The following DLGAP1 variants were observed in gnomAD, a reference collection of about 807,000 sequenced individuals.
The protein encoded by DLGAP1 is disks large-associated protein 1.
DLGAP1 carries 11 observed loss-of-function variants against 90.8 expected under a neutral mutation model. The observed-to-expected ratio is 0.12, with a 90% CI of 0.08 to 0.20. DLGAP1 has a LOEUF of 0.20. Among genes scored for constraint, DLGAP1 ranks in the 10% least tolerant of loss-of-function variants. The probability of loss-of-function intolerance (pLI) is 1.00; values close to 1 mark genes in which losing one functional copy is unlikely to be tolerated. For synonymous variants in DLGAP1, 558 were observed against 540.7 expected (o/e 1.03, Z -0.44); for missense variants, 1,050 against 1,333.8 (o/e 0.79, Z 3.31).
At chr18:3,576,581 T>A (rs1453425140) in intron 8 of DLGAP1, among the ~76,000 whole-genome samples, 82 of 150,192 alleles carry the variant, frequency 5.5e-4, no homozygotes, top group African/African-American at 1.7e-3. Flanking sequence ...TTTTTTTTTT[T>A]GAGATGGAGC....
At chr18:4,276,660 A>C (rs2145400770) in intron 1 of DLGAP1, among the ~76,000 whole-genome samples, 1 of 152,196 alleles carries the variant, frequency 6.6e-6, no homozygotes, top group South Asian at 2.1e-4. Context: ...AAACAAATAT[A>C]TTTTCTCATA....
intron 7 of DLGAP1, among the ~76,000 whole-genome samples, chr18:3,610,412 TTCTC>T (rs1311087841): frequency 2.0e-5 from 3 of 152,306 alleles, no homozygotes; most frequent in Middle Eastern, 3.4e-3. Context: ...CTACCTTCTG[TTCTC>T]TCTGAGGACT....
chr18:3,547,223 C>A (rs1477942618), intron 9 of DLGAP1, among the ~76,000 whole-genome samples: 3 of 150,514 alleles, frequency 2.0e-5, no homozygotes, highest in Non-Finnish European at 3.0e-5. Flanking sequence ...ATGGCTTGAA[C>A]CCCCGGGGGC....
chr18:3,701,515 C>T (rs1164790206), intron 7 of DLGAP1, among the ~76,000 whole-genome samples: 1 of 152,222 alleles, frequency 6.6e-6, no homozygotes, highest in Non-Finnish European at 1.5e-5. Flanking sequence ...TCGACCCATG[C>T]TTATGTGATA....
At chr18:4,136,775 A>G (rs1326048088) in intron 2 of DLGAP1, among the ~76,000 whole-genome samples, 1 of 151,914 alleles carries the variant, frequency 6.6e-6, no homozygotes, top group Non-Finnish European at 1.5e-5. Flanking sequence ...TGCTTTGGTT[A>G]CCTGTATTTG....
intron 1 of DLGAP1, among the ~76,000 whole-genome samples, chr18:4,283,052 A>G (rs1414176146): frequency 6.6e-6 from 1 of 152,218 alleles, no homozygotes; most frequent in East Asian, 1.9e-4. Flanking sequence ...GGGACAGGCT[A>G]TAAGAAGTAG....
chr18:3,959,107 C>T (rs1379469893), intron 3 of DLGAP1, among the ~76,000 whole-genome samples: 1 of 152,190 alleles, frequency 6.6e-6, no homozygotes, highest in Non-Finnish European at 1.5e-5. Flanking sequence ...TCAATGAACA[C>T]AGCTCTTCTT....
At chr18:3,875,046 A>G (rs2148815600) in intron 4 of DLGAP1, among the ~76,000 whole-genome samples, 1 of 152,294 alleles carries the variant, frequency 6.6e-6, no homozygotes, top group South Asian at 2.1e-4. Flanking sequence ...AGAGAAGCAG[A>G]GCTTTGCTAG....
At chr18:4,221,851 T>C (rs983835419) in intron 1 of DLGAP1, among the ~76,000 whole-genome samples, 1 of 152,190 alleles carries the variant, frequency 6.6e-6, no homozygotes, top group Non-Finnish European at 1.5e-5. Flanking sequence ...ATAAGTTAAA[T>C]GGCGATTTTT....
intron 7 of DLGAP1, among the ~76,000 whole-genome samples, chr18:3,668,048 A>G (rs2059943391): frequency 6.6e-6 from 1 of 152,194 alleles, no homozygotes; most frequent in Non-Finnish European, 1.5e-5. Context: ...GCATTGTCAC[A>G]AAACTATCAT....
At chr18:4,048,290 G>C (rs1485371635) in intron 2 of DLGAP1, among the ~76,000 whole-genome samples, 1 of 152,296 alleles carries the variant, frequency 6.6e-6, no homozygotes, top group Middle Eastern at 3.4e-3. Flanking sequence ...TCATATTTAA[G>C]ATGAAGAATT....
At chr18:3,938,272 G>T (rs1009960582) in intron 3 of DLGAP1, among the ~76,000 whole-genome samples, 2 of 152,146 alleles carry the variant, frequency 1.3e-5, no homozygotes, top group African/African-American at 4.8e-5. Context: ...GAATGCATGG[G>T]GGTTGCAGCT....
chr18:3,621,817 A>C (rs938552912), intron 7 of DLGAP1, among the ~76,000 whole-genome samples: 4 of 152,150 alleles, frequency 2.6e-5, no homozygotes, highest in Non-Finnish European at 5.9e-5. Flanking sequence ...AAATAAAAGA[A>C]ATTAGCTGGG....
chr18:3,600,785 T>TATATAGATATATAGATATATATAG lies in DLGAP1; in HGVS notation c.1592-18538_1592-18537insCTATATATATCTATATATCTATAT, dbSNP rs1568278087. Among the ~76,000 whole-genome samples, 30 of 74,092 alleles carry TATATAGATATATAGATATATATAG rather than the reference T, an allele frequency of 4.0e-4. 4 individuals carry two copies. Among genetic ancestry groups the TATATAGATATATAGATATATATAG allele is most frequent in the African/African-American group, 1.6e-3 (25 of 15,802 alleles). The allele number at this position is 74,092 out of a possible 152,430, so 48.6% of individuals were successfully genotyped here. On this transcript the variant is annotated intron_variant, in intron 7 of 12. Transcript: ENST00000315677. ...ATATAGATATATATAGATATATAGA[T>TATATAGATATATAGATATATATAG]ATATATAGATATATAGATATATAGA...
intron 3 of DLGAP1, among the ~76,000 whole-genome samples, chr18:3,912,114 C>T (rs1476047911): frequency 6.6e-6 from 1 of 152,178 alleles, no homozygotes; most frequent in Non-Finnish European, 1.5e-5. Context: ...TTCTTCTTGA[C>T]TCATTTATAT....
intron 8 of DLGAP1, among the ~76,000 whole-genome samples, chr18:3,579,850 T>C (rs571160461): frequency 4.7e-4 from 72 of 152,352 alleles, no homozygotes; most frequent in African/African-American, 1.7e-3. Flanking sequence ...GATGCTGTGA[T>C]GTGTGTTATT....
intron 1 of DLGAP1, among the ~76,000 whole-genome samples, chr18:4,358,982 G>A (rs943868709): frequency 2.6e-5 from 4 of 152,198 alleles, no homozygotes; most frequent in East Asian, 3.8e-4. Context: ...AAATGCTGGC[G>A]GGGATGAGGG....
rs550175704 is a variant in DLGAP1 at position 4,432,700 on chromosome 18, T to A, written c.-267+22306A>T. ...TATAGTCACAATGCTGTACAATAGATCTCCAGAATTTATTCATCCTGTCTA... is the reference window on the plus strand; with the variant it reads ...TATAGTCACAATGCTGTACAATAGAACTCCAGAATTTATTCATCCTGTCTA... On this transcript the variant is annotated intron_variant, in intron 1 of 12. Transcript: ENST00000315677. Among the ~76,000 whole-genome samples the A allele has an allele frequency of 1.6e-4, 25 of 152,110 alleles. 1 individual carries two copies. Among genetic ancestry groups the A allele is most frequent in the Middle Eastern group, 3.4e-3 (1 of 294 alleles).
At chr18:3,816,440 C>A (rs2067110703) in intron 4 of DLGAP1, among the ~76,000 whole-genome samples, 2 of 152,080 alleles carry the variant, frequency 1.3e-5, no homozygotes, top group Admixed American at 6.6e-5. Flanking sequence ...TGTTAATTCA[C>A]CTGTATAACT....
Sources: allele counts gnomAD v4.1 joint callset (sites outside exome capture counted in the v4.1 genomes callset), GRCh38; gene constraint gnomAD v4.1.1; transcripts MANE v1.5; gene names NCBI Gene and HGNC (gene_info 2026-07-23, HGNC 2026-07-21).